The following PPP2R3A variants were observed in gnomAD, a reference collection of about 807,000 sequenced individuals.
The protein encoded by PPP2R3A is protein phosphatase 2 regulatory subunit B''alpha.
A neutral mutation model predicts 106.9 loss-of-function variants in PPP2R3A; 80 were observed. That is an observed-to-expected ratio of 0.75 (90% CI 0.62 to 0.90). The LOEUF (loss-of-function observed/expected upper bound fraction) is 0.90. PPP2R3A is among the 40% of genes least tolerant of loss of function. PPP2R3A has a pLI of 0.00. For synonymous variants in PPP2R3A, 483 were observed against 468.3 expected, an observed-to-expected ratio of 1.03 and a Z score of -0.41; for missense variants, 1,386 against 1,350.4, an observed-to-expected ratio of 1.03 and a Z score of -0.41.
chr3:136,005,267 G>C (rs1933802321), intron 2 of PPP2R3A, among the ~76,000 whole-genome samples: 1 of 152,006 alleles, frequency 6.6e-6, no homozygotes, highest in African/African-American at 2.4e-5. Flanking sequence ...CATCCCCAAG[G>C]TATCCCATTA....
intron 3 of PPP2R3A, among the ~76,000 whole-genome samples, chr3:136,027,838 G>A (rs76401139): frequency 0.017 from 2,570 of 152,268 alleles, 37 homozygotes; most frequent in Non-Finnish European, 0.026. Flanking sequence ...TGCTTCAAGA[G>A]GCAGAGGGGT....
intron 1 of PPP2R3A, among the ~76,000 whole-genome samples, chr3:135,972,766 T>C (rs910278130): frequency 4.6e-4 from 70 of 152,218 alleles, no homozygotes; most frequent in African/African-American, 1.6e-3. Context: ...GAAATGTCTG[T>C]TCAAGTCTTT....
At chr3:136,144,952 G>A (rs1482761347) in intron 13 of PPP2R3A, 91 bp from the exon 14 acceptor site, 2 of 1,423,986 alleles carry the variant, frequency 1.4e-6, no homozygotes, top group Non-Finnish European at 1.9e-6. Flanking sequence ...TACCTTTGTG[G>A]GCTGGTCTTG....
At chr3:136,105,627 A>G (rs907187691) in intron 12 of PPP2R3A, among the ~76,000 whole-genome samples, 1 of 152,072 alleles carries the variant, frequency 6.6e-6, no homozygotes, top group African/African-American at 2.4e-5. Flanking sequence ...ACTGCACTCC[A>G]GACTAGGCAA....
At chr3:136,070,609 A>G in intron 6 of PPP2R3A, 57 bp downstream of exon 6, 1 of 1,405,812 alleles carries the variant, frequency 7.1e-7, no homozygotes, top group South Asian at 1.3e-5. Context: ...TTTTATTACC[A>G]TCTGCTATCC....
chr3:136,122,295 T>C (rs1171973049), intron 13 of PPP2R3A, among the ~76,000 whole-genome samples: 4 of 152,182 alleles, frequency 2.6e-5, no homozygotes, highest in Non-Finnish European at 5.9e-5. Context: ...CACTCCATCC[T>C]GGGTGACAAA....
intron 1 of PPP2R3A, 85 bp downstream of exon 1, chr3:135,965,934 G>T: frequency 6.5e-6 from 1 of 153,108 alleles, no homozygotes; most frequent in South Asian, 1.8e-4. Context: ...TCGGGGCGGC[G>T]CGCGGAGGCC....
chr3:136,095,734 G>T (rs937451089), intron 10 of PPP2R3A, among the ~76,000 whole-genome samples: 8 of 152,202 alleles, frequency 5.3e-5, no homozygotes, highest in Non-Finnish European at 1.5e-5. Context: ...TACTGATTTT[G>T]CCCATTGATA....
At chr3:136,095,150 G>T (rs1208168019) in intron 10 of PPP2R3A, among the ~76,000 whole-genome samples, 5 of 151,026 alleles carry the variant, frequency 3.3e-5, no homozygotes, top group Admixed American at 1.3e-4. Context: ...TTTTTTCTAT[G>T]GGGGGAGGTC....
intron 13 of PPP2R3A, among the ~76,000 whole-genome samples, chr3:136,143,316 C>G (rs1938952161): frequency 1.3e-5 from 2 of 152,142 alleles, no homozygotes; most frequent in Non-Finnish European, 2.9e-5. Flanking sequence ...TGGCGAAACC[C>G]TGTTGCTACT....
chr3:136,028,159 C>A (rs148121120), intron 3 of PPP2R3A, among the ~76,000 whole-genome samples: 166 of 152,302 alleles, frequency 1.1e-3, no homozygotes, highest in African/African-American at 3.9e-3. Flanking sequence ...GGCTTCCCCT[C>A]CTGCCAACCT....
At chr3:136,103,203 C>T in intron 11 of PPP2R3A, 55 bp from the exon 12 acceptor site, 1 of 1,224,990 alleles carries the variant, frequency 8.2e-7, no homozygotes, top group South Asian at 1.5e-5. Flanking sequence ...AAGTTTTTTC[C>T]TCTTGCCAAA....
At chr3:136,052,674 A>G (rs1390155772) in intron 5 of PPP2R3A, among the ~76,000 whole-genome samples, 1 of 152,230 alleles carries the variant, frequency 6.6e-6, no homozygotes, top group Non-Finnish European at 1.5e-5. Context: ...TTAAGTTTAG[A>G]CTAAGAAAAT....
intron 5 of PPP2R3A, among the ~76,000 whole-genome samples, chr3:136,068,004 C>T (rs933945972): frequency 5.9e-5 from 9 of 152,162 alleles, no homozygotes; most frequent in Non-Finnish European, 7.4e-5. Context: ...GCAGGCAGAT[C>T]GCTTGAGCCC....
At chr3:136,033,972 A>G (rs1424755356) in intron 3 of PPP2R3A, among the ~76,000 whole-genome samples, 1 of 146,146 alleles carries the variant, frequency 6.8e-6, no homozygotes, top group African/African-American at 2.5e-5. Flanking sequence ...TTGTTTCTCT[A>G]ATTCCTTGAG....
At chr3:136,089,137 T>TTAGCC (rs1937030652) in intron 9 of PPP2R3A, among the ~76,000 whole-genome samples, 1 of 152,190 alleles carries the variant, frequency 6.6e-6, no homozygotes, top group Admixed American at 6.5e-5. Context: ...TTTTGAGGAC[T>TTAGCC]TAGCCATAAA....
intron 5 of PPP2R3A, among the ~76,000 whole-genome samples, chr3:136,056,323 A>T (rs568803121): frequency 3.3e-5 from 5 of 152,242 alleles, no homozygotes; most frequent in Non-Finnish European, 4.4e-5. Flanking sequence ...ATGTGAATAA[A>T]GTATGGACTT....
At chr3:136,095,933 A>G (rs1937204843) in intron 10 of PPP2R3A, among the ~76,000 whole-genome samples, 1 of 152,204 alleles carries the variant, frequency 6.6e-6, no homozygotes, top group African/African-American at 2.4e-5. Flanking sequence ...ACTTGAAAAT[A>G]TAAGTCAAAA....
At chr3:136,065,635 AGCTG>A (rs1936241900) in intron 5 of PPP2R3A, among the ~76,000 whole-genome samples, 2 of 152,336 alleles carry the variant, frequency 1.3e-5, no homozygotes, top group African/African-American at 4.8e-5. Flanking sequence ...AAAAACCAAC[AGCTG>A]ACTAATTTGA....
Sources: gnomAD v4.1 joint callset for allele counts (sites outside exome capture counted in the v4.1 genomes callset) on GRCh38, gnomAD v4.1.1 for gene constraint, MANE v1.5 for transcripts, NCBI Gene and HGNC (gene_info 2026-07-23, HGNC 2026-07-21) for gene names.